Variants in BACH2 observed in about 807,000 individuals in gnomAD.
BACH2 encodes the protein BACH transcriptional regulator 2.
Under a neutral mutation model 61.8 loss-of-function variants are expected in BACH2, and 5 were observed. The ratio of observed to expected loss-of-function variants is 0.08; its 90% confidence interval spans 0.04 to 0.17. BACH2 has a LOEUF of 0.17. BACH2 is among the 10% of genes least tolerant of loss of function. BACH2 has a pLI of 1.00. For missense variants in BACH2, 824 were observed against 1,091.1 expected (o/e 0.76, Z 3.45); for synonymous variants, 446 against 440.1 (o/e 1.01, Z -0.17).
At chr6:90,162,257 C>T (rs1046893292) in intron 4 of BACH2, among the ~76,000 whole-genome samples, 1 of 152,132 alleles carries the variant, frequency 6.6e-6, no homozygotes, top group African/African-American at 2.4e-5. Context: ...ATTACTAGTG[C>T]TCTCATCTAT....
At chr6:89,947,510 G>C (rs1475772938) in intron 7 of BACH2, among the ~76,000 whole-genome samples, 1 of 152,086 alleles carries the variant, frequency 6.6e-6, no homozygotes, top group Non-Finnish European at 1.5e-5. Context: ...AAATGGCATA[G>C]AGCTTTGGTA....
At chr6:89,957,828 T>C (rs1173789771) in intron 6 of BACH2, among the ~76,000 whole-genome samples, 2 of 152,226 alleles carry the variant, frequency 1.3e-5, no homozygotes, top group African/African-American at 2.4e-5. Flanking sequence ...GTGTTAGCCA[T>C]TGTGCCTGGG....
At chr6:90,234,242 C>T (rs1003213550) in intron 3 of BACH2, among the ~76,000 whole-genome samples, 6 of 152,192 alleles carry the variant, frequency 3.9e-5, no homozygotes, top group Non-Finnish European at 5.9e-5. Context: ...CAAGGATCAG[C>T]GCTTCAGTCG....
At chr6:90,270,195 T>C (rs1436555197) in intron 2 of BACH2, among the ~76,000 whole-genome samples, 2 of 152,248 alleles carry the variant, frequency 1.3e-5, no homozygotes, top group African/African-American at 2.4e-5. Context: ...CAAACATGCA[T>C]GTGCAAGTGT....
intron 4 of BACH2, among the ~76,000 whole-genome samples, chr6:90,111,610 T>G (rs557318596): frequency 1.3e-5 from 2 of 152,152 alleles, no homozygotes; most frequent in Non-Finnish European, 2.9e-5. Context: ...GCAGGTAGGG[T>G]TCTCCTCATT....
chr6:90,123,757 G>A (rs866576067), intron 4 of BACH2, among the ~76,000 whole-genome samples: 3 of 110,520 alleles, frequency 2.7e-5, no homozygotes, highest in Non-Finnish European at 3.4e-5. Context: ...GCGACAGAGC[G>A]AGACTCCGTC....
At chr6:90,184,669 C>T (rs917328048) in intron 4 of BACH2, among the ~76,000 whole-genome samples, 1 of 152,202 alleles carries the variant, frequency 6.6e-6, no homozygotes, top group Non-Finnish European at 1.5e-5. Flanking sequence ...TAAGCCCTAG[C>T]CCAGGGGCAC....
intron 6 of BACH2, among the ~76,000 whole-genome samples, chr6:89,994,228 G>C (rs959383348): frequency 6.6e-6 from 1 of 152,170 alleles, no homozygotes; most frequent in Non-Finnish European, 1.5e-5. Context: ...AGTCATACAA[G>C]ATTTGATCAG....
chr6:90,068,280 T>C (rs1295262955), intron 5 of BACH2, among the ~76,000 whole-genome samples: 1 of 152,228 alleles, frequency 6.6e-6, no homozygotes, highest in East Asian at 1.9e-4. Flanking sequence ...AGCAACCATT[T>C]AGGAAGACCT....
intron 4 of BACH2, among the ~76,000 whole-genome samples, chr6:90,129,516 T>A (rs777698922): frequency 2.8e-4 from 42 of 152,170 alleles, no homozygotes; most frequent in African/African-American, 2.9e-4. Flanking sequence ...TTTCTTTTTT[T>A]TTATTATTAT....
At chr6:89,968,872 G>A (rs1265223717) in intron 6 of BACH2, among the ~76,000 whole-genome samples, 1 of 152,084 alleles carries the variant, frequency 6.6e-6, no homozygotes, top group Admixed American at 6.5e-5. Context: ...TTAGCTGGGT[G>A]TGGTGGCGTA....
chr6:89,945,142 T>C (rs3966851), intron 7 of BACH2, among the ~76,000 whole-genome samples: 10,014 of 152,236 alleles, frequency 0.066, 456 homozygotes, highest in East Asian at 0.26. Context: ...TACAAAGTTA[T>C]ATGATTTAGC....
At chr6:90,020,394 A>T (rs1347327590) in intron 5 of BACH2, among the ~76,000 whole-genome samples, 2 of 152,124 alleles carry the variant, frequency 1.3e-5, no homozygotes, top group African/African-American at 4.8e-5. Context: ...TTAATGGGTT[A>T]TTGAAGGAGT....
intron 4 of BACH2, among the ~76,000 whole-genome samples, chr6:90,148,939 T>C (rs1582420981): frequency 6.6e-6 from 1 of 152,192 alleles, no homozygotes; most frequent in South Asian, 2.1e-4. Flanking sequence ...TGTGGCTCCC[T>C]GAGCTGCTTC....
At chr6:90,184,650 T>C (rs138386639) in intron 4 of BACH2, among the ~76,000 whole-genome samples, 2 of 152,296 alleles carry the variant, frequency 1.3e-5, no homozygotes, top group African/African-American at 2.4e-5. Flanking sequence ...CTCTTCCTAA[T>C]ACAAGGGGTA....
intron 6 of BACH2, among the ~76,000 whole-genome samples, chr6:89,954,724 T>C (rs533918069): frequency 6.6e-6 from 1 of 152,174 alleles, no homozygotes; most frequent in South Asian, 2.1e-4. Flanking sequence ...TGCTTAAATG[T>C]ATGAATTGGA....
intron 3 of BACH2, among the ~76,000 whole-genome samples, chr6:90,250,883 T>C (rs1363029022): frequency 6.6e-6 from 1 of 152,162 alleles, no homozygotes; most frequent in Non-Finnish European, 1.5e-5. Context: ...AGGCAGAGCA[T>C]CATCTCATTT....
intron 4 of BACH2, among the ~76,000 whole-genome samples, chr6:90,101,742 A>C (rs947223268): frequency 1.4e-4 from 21 of 152,196 alleles, no homozygotes; most frequent in Admixed American, 1.3e-3. Context: ...TTGACTATAT[A>C]GGTTTGGATA....
At chr6:90,229,721 A>G (rs946173213) in intron 3 of BACH2, among the ~76,000 whole-genome samples, 1 of 152,226 alleles carries the variant, frequency 6.6e-6, no homozygotes, top group Admixed American at 6.5e-5. Context: ...TCTGATTCTC[A>G]TAATTGGTGT....
Sources: gnomAD v4.1 joint callset for allele counts (sites outside exome capture counted in the v4.1 genomes callset) on GRCh38, gnomAD v4.1.1 for gene constraint, MANE v1.5 for transcripts, NCBI Gene and HGNC (gene_info 2026-07-23, HGNC 2026-07-21) for gene names.